ST18: variants seen among roughly 807,000 people sequenced by gnomAD.
The protein encoded by ST18 is ST18 C2H2C-type zinc finger transcription factor, also known as suppression of tumorigenicity 18 protein.
A neutral mutation model predicts 110.0 loss-of-function variants in ST18; 50 were observed. The ratio of observed to expected loss-of-function variants is 0.45; its 90% confidence interval spans 0.36 to 0.58. ST18 has a LOEUF of 0.58. ST18 is among the 20% of genes least tolerant of loss of function. The pLI, the probability that ST18 is intolerant of heterozygous loss-of-function variation, is 0.00. For missense variants in ST18, 1,306 were observed against 1,280.1 expected (o/e 1.02, Z -0.31); for synonymous variants, 461 against 452.4 (o/e 1.02, Z -0.24).
At chr8:52,348,147 G>C (rs1398856691) in intron 2 of ST18, among the ~76,000 whole-genome samples, 7 of 152,134 alleles carry the variant, frequency 4.6e-5, no homozygotes, top group African/African-American at 7.2e-5. Context: ...GGAGGAAAAG[G>C]AGAGGAGAAA....
At chr8:52,339,428 A>C (rs925538629) in intron 2 of ST18, among the ~76,000 whole-genome samples, 2 of 152,250 alleles carry the variant, frequency 1.3e-5, no homozygotes, top group Non-Finnish European at 2.9e-5. Context: ...ACCACACGAC[A>C]AAACCTCACC....
intron 16 of ST18, among the ~76,000 whole-genome samples, chr8:52,147,614 T>G (rs958685444): frequency 5.9e-5 from 9 of 151,930 alleles, no homozygotes; most frequent in African/African-American, 2.2e-4. Context: ...AGTGCCACTC[T>G]GCATACGGCA....
At chr8:52,193,896 A>ATAAT (rs1296529385) in intron 8 of ST18, among the ~76,000 whole-genome samples, 2 of 152,226 alleles carry the variant, frequency 1.3e-5, no homozygotes, top group African/African-American at 2.4e-5. Flanking sequence ...AGTTAAACCT[A>ATAAT]TAATTGAAGC....
At chr8:52,130,165 A>AAGAAAG (rs753293510) in intron 22 of ST18, among the ~76,000 whole-genome samples, 2 of 119,658 alleles carry the variant, frequency 1.7e-5, no homozygotes, top group African/African-American at 3.2e-5. Flanking sequence ...GAAAGAAAGA[A>AAGAAAG]AAAGAAAAGA....
chr8:52,135,130 A>G (rs2051470968), intron 19 of ST18, among the ~76,000 whole-genome samples: 1 of 152,212 alleles, frequency 6.6e-6, no homozygotes, highest in Admixed American at 6.5e-5. Flanking sequence ...CAATTCAGTA[A>G]GATGTTTTGG....
chr8:52,332,759 G>A (rs1246311592), intron 2 of ST18, among the ~76,000 whole-genome samples: 8 of 152,158 alleles, frequency 5.3e-5, no homozygotes, highest in Non-Finnish European at 7.4e-5. Flanking sequence ...GCTGAGGCGG[G>A]AGAATCGCTT....
chr8:52,385,205 T>G (rs1398237318), intron 2 of ST18, among the ~76,000 whole-genome samples: 2 of 152,120 alleles, frequency 1.3e-5, no homozygotes, highest in East Asian at 3.8e-4. Flanking sequence ...GATGAGCTGG[T>G]TCCCTCGGAA....
At chr8:52,300,867 C>G (rs1022886855) in intron 2 of ST18, among the ~76,000 whole-genome samples, 2 of 152,072 alleles carry the variant, frequency 1.3e-5, no homozygotes, top group African/African-American at 4.8e-5. Context: ...AAACCTCTAG[C>G]AGAACTGTCA....
intron 22 of ST18, among the ~76,000 whole-genome samples, chr8:52,129,469 A>AAG (rs2048363070): frequency 1.3e-5 from 2 of 151,230 alleles, no homozygotes; most frequent in East Asian, 3.9e-4. Flanking sequence ...AAAAAAAAAA[A>AAG]AAAAGAAAGA....
intron 21 of ST18, 81 bp from the exon 22 acceptor site, chr8:52,132,260 T>A: frequency 4.1e-6 from 5 of 1,225,726 alleles, no homozygotes; most frequent in Non-Finnish European, 5.6e-6. Context: ...ACCATGCAAT[T>A]ATAGAGTTTT....
At chr8:52,216,084 A>G (rs1330952631) in intron 6 of ST18, among the ~76,000 whole-genome samples, 1 of 152,272 alleles carries the variant, frequency 6.6e-6, no homozygotes, top group African/African-American at 2.4e-5. Flanking sequence ...CCCAAAAGGC[A>G]AGGATGAACT....
At chr8:52,221,435 G>C (rs970210404) in intron 4 of ST18, among the ~76,000 whole-genome samples, 1 of 152,114 alleles carries the variant, frequency 6.6e-6, no homozygotes, top group East Asian at 1.9e-4. Context: ...CATACACAGA[G>C]GTGCCTCACC....
At chr8:52,341,791 A>C (rs1815134423) in intron 2 of ST18, among the ~76,000 whole-genome samples, 1 of 152,104 alleles carries the variant, frequency 6.6e-6, no homozygotes, top group African/African-American at 2.4e-5. Flanking sequence ...TGGCTTTCAG[A>C]GCTGTACTGT....
At chr8:52,334,484 T>C (rs1360921404) in intron 2 of ST18, among the ~76,000 whole-genome samples, 2 of 152,232 alleles carry the variant, frequency 1.3e-5, no homozygotes, top group African/African-American at 2.4e-5. Context: ...ATGATACCAC[T>C]AGAAAATTTA....
chr8:52,181,780 A>T (rs2083801657), intron 8 of ST18, among the ~76,000 whole-genome samples: 1 of 152,182 alleles, frequency 6.6e-6, no homozygotes, highest in Admixed American at 6.5e-5. Context: ...CAAGGAAAAT[A>T]CAAGTCCACA....
intron 22 of ST18, among the ~76,000 whole-genome samples, chr8:52,130,161 AAG>A (rs763766721): frequency 6.8e-6 from 1 of 146,038 alleles, no homozygotes; most frequent in Non-Finnish European, 1.5e-5. Flanking sequence ...GAAAGAAAGA[AAG>A]AAAAAGAAAA....
intron 8 of ST18, among the ~76,000 whole-genome samples, chr8:52,197,888 A>AACACAC (rs2076678518): frequency 1.2e-5 from 1 of 80,542 alleles, no homozygotes; most frequent in African/African-American, 7.8e-5. Flanking sequence ...AAACAAAATG[A>AACACAC]GCACACACAC....
intron 8 of ST18, among the ~76,000 whole-genome samples, chr8:52,203,593 G>A (rs991239236): frequency 6.6e-6 from 1 of 152,178 alleles, no homozygotes; most frequent in Admixed American, 6.5e-5. Context: ...GAAACATTAT[G>A]TTTGCAAGCA....
At chr8:52,333,415 G>A (rs759694106) in intron 2 of ST18, among the ~76,000 whole-genome samples, 19 of 152,134 alleles carry the variant, frequency 1.2e-4, no homozygotes, top group Non-Finnish European at 2.5e-4. Context: ...CAATGAGTCA[G>A]ACACATTTTC....
Sources: gnomAD v4.1 joint callset for allele counts (sites outside exome capture counted in the v4.1 genomes callset) on GRCh38, gnomAD v4.1.1 for gene constraint, MANE v1.5 for transcripts, NCBI Gene and HGNC (gene_info 2026-07-23, HGNC 2026-07-21) for gene names.